The following SNX29 variants were observed in gnomAD, a reference collection of about 807,000 sequenced individuals.
The protein encoded by SNX29 is sorting nexin-29.
SNX29 carries 78 observed loss-of-function variants against 102.1 expected under a neutral mutation model. The observed-to-expected ratio is 0.76, with a 90% CI of 0.64 to 0.92. The LOEUF is 0.92. Among genes scored for constraint, SNX29 ranks in the 40% least tolerant of loss-of-function variants. The pLI is 0.00. For missense variants in SNX29, 1,280 were observed against 1,061.7 expected (o/e 1.21, Z -2.86); for synonymous variants, 580 against 414.5 (o/e 1.40, Z -4.85).
Position 12,469,959 on chromosome 16 carries a change from G to T in SNX29, c.2038-7760G>T, listed in dbSNP as rs369430664. Among the ~76,000 whole-genome samples the T allele has an allele frequency of 2.0e-5, 3 of 152,316 alleles. No homozygotes were observed. In the South Asian group the frequency reaches 6.2e-4, roughly 32 times the overall value. On this transcript the variant is annotated intron_variant, in intron 18 of 20. Coordinates refer to ENST00000566228, the MANE Select transcript of SNX29 (RefSeq NM_032167.5). Reference sequence around the variant, plus strand: ...ACCCGGGAGGCGGAGGTTGCAGTGAGCTGAGATCGCGCCATTGCACTCCAG... The same window carrying T: ...ACCCGGGAGGCGGAGGTTGCAGTGATCTGAGATCGCGCCATTGCACTCCAG...
chr16:12,070,627 A>T (rs350236), intron 10 of SNX29, among the ~76,000 whole-genome samples: 15 of 150,066 alleles, frequency 1.0e-4, no homozygotes, highest in Middle Eastern at 3.4e-3. Flanking sequence ...GAATAGTGCC[A>T]CAATAAACAT....
intron 19 of SNX29, among the ~76,000 whole-genome samples, chr16:12,505,359 A>G (rs548277420): frequency 9.2e-5 from 14 of 152,042 alleles, no homozygotes; most frequent in Admixed American, 2.0e-4. Context: ...GTGAGGGCCT[A>G]TTTGAAAAAA....
Position 12,013,500 on chromosome 16 carries a change from A to AAAAAATATAT in SNX29, c.122+10458_122+10459insAAAATATATA. 1.7e-3 allele frequency among the ~76,000 whole-genome samples: 55 copies of AAAAAATATAT among 31,600 alleles called. 2 individuals carry two copies. Among genetic ancestry groups the AAAAAATATAT allele is most frequent in the East Asian group, 3.7e-3 (2 of 534 alleles). 20.7% of individuals were successfully genotyped at this position (31,600 alleles called of 152,430 possible). On this transcript the variant is annotated intron_variant, in intron 3 of 20. Transcript: ENST00000566228. ...GTCTCTACTGGGGGAAAAAAAAAAA[A>AAAAAATATAT]ATATATATATATATATATATATATA... is the stretch of plus-strand genomic sequence containing the variant.
At chr16:12,475,712 G>A (rs1297074908) in intron 18 of SNX29, among the ~76,000 whole-genome samples, 1 of 152,196 alleles carries the variant, frequency 6.6e-6, no homozygotes, top group African/African-American at 2.4e-5. Flanking sequence ...GTATCATACT[G>A]CACATCACTA....
chr16:12,307,396 G>T (rs541839080), intron 15 of SNX29, among the ~76,000 whole-genome samples: 1 of 152,208 alleles, frequency 6.6e-6, no homozygotes, highest in Non-Finnish European at 1.5e-5. Flanking sequence ...TGCAATTCCT[G>T]TCATTAAATG....
intron 15 of SNX29, among the ~76,000 whole-genome samples, chr16:12,288,873 T>A (rs1394728335): frequency 6.6e-6 from 1 of 152,032 alleles, no homozygotes; most frequent in Non-Finnish European, 1.5e-5. Flanking sequence ...CTAGCATAGG[T>A]AGAAGCAAGA....
intron 11 of SNX29, among the ~76,000 whole-genome samples, chr16:12,107,837 T>C (rs1297685412): frequency 3.9e-5 from 6 of 152,122 alleles, no homozygotes; most frequent in Non-Finnish European, 7.4e-5. Context: ...ATAGGAATTC[T>C]TCATTAGGAA....
chr16:12,193,825 C>G (rs1459319744), intron 13 of SNX29, among the ~76,000 whole-genome samples: 1 of 152,138 alleles, frequency 6.6e-6, no homozygotes, highest in African/African-American at 2.4e-5. Context: ...TTCCCTGATT[C>G]TTTGGTCTGT....
At chr16:12,472,782 A>G (rs1048346713) in intron 18 of SNX29, among the ~76,000 whole-genome samples, 2 of 151,410 alleles carry the variant, frequency 1.3e-5, no homozygotes, top group African/African-American at 4.9e-5. Context: ...ACCTTCCTTT[A>G]CCTCCACTGT....
At chr16:12,340,748 G>A (rs1460522898) in intron 15 of SNX29, among the ~76,000 whole-genome samples, 1 of 152,194 alleles carries the variant, frequency 6.6e-6, no homozygotes, top group Non-Finnish European at 1.5e-5. Context: ...CTAAGAGTCT[G>A]ATTAGGTCAC....
chr16:12,008,457 C>T (rs1041990337), intron 3 of SNX29, among the ~76,000 whole-genome samples: 3 of 150,426 alleles, frequency 2.0e-5, no homozygotes, highest in Non-Finnish European at 3.0e-5. Flanking sequence ...TTAGTAGAGA[C>T]AGTATTTCTC....
At chr16:12,463,158 G>A (rs901891827) in intron 18 of SNX29, among the ~76,000 whole-genome samples, 7 of 152,168 alleles carry the variant, frequency 4.6e-5, no homozygotes, top group African/African-American at 7.2e-5. Flanking sequence ...GGTCGTTGTC[G>A]CTCTGACTTG....
In SNX29 at chr16:12,477,778, G is replaced by A; in HGVS notation, c.2097G>A (p.Arg699=). 2 of 1,613,454 alleles carry A rather than the reference G, an allele frequency of 1.2e-6. No individual in the cohort carries two copies. Among genetic ancestry groups the A allele is most frequent in the Non-Finnish European group, 1.7e-6 (2 of 1,179,732 alleles). Residue 699 remains arginine (R), a synonymous_variant, in exon 19 of 21, where the codon AGG becomes AGA. Coordinates refer to ENST00000566228, the MANE Select transcript of SNX29 (RefSeq NM_032167.5). The part of the protein sequence containing the change: ...WNIYRRYTEF[R]SLHHKLQNKY... The stretch of plus-strand genomic sequence containing the variant: ...TTTATCGCCGGTATACAGAGTTCAG[G>A]AGTTTGCACCACAAGTTACAAAACA...
At chr16:12,170,713 G>A (rs1338537230) in intron 13 of SNX29, among the ~76,000 whole-genome samples, 4 of 151,800 alleles carry the variant, frequency 2.6e-5, no homozygotes, top group Non-Finnish European at 5.9e-5. Context: ...CCAGAGAAGG[G>A]GTTCTGTGGG....
At chr16:12,405,395 C>A (rs1043034089) in intron 18 of SNX29, among the ~76,000 whole-genome samples, 1 of 152,134 alleles carries the variant, frequency 6.6e-6, no homozygotes, top group Non-Finnish European at 1.5e-5. Flanking sequence ...CCACTCTCTC[C>A]CCGTCCTTTA....
intron 20 of SNX29, 31 bp from the exon 21 acceptor site, chr16:12,568,475 A>C (rs774938602): frequency 1.2e-6 from 2 of 1,606,736 alleles, no homozygotes; most frequent in Non-Finnish European, 1.7e-6. Context: ...TCATCCCCAG[A>C]CTTAACCCGA....
chr16:12,063,322 A>T (rs2050858224), intron 9 of SNX29, among the ~76,000 whole-genome samples: 1 of 137,804 alleles, frequency 7.3e-6, no homozygotes, highest in South Asian at 2.4e-4. Context: ...GCCTCCCTCC[A>T]CTTCCTGATG....
chr16:12,451,890 C>G (rs991924022), intron 18 of SNX29, among the ~76,000 whole-genome samples: 8 of 152,154 alleles, frequency 5.3e-5, no homozygotes, highest in Non-Finnish European at 1.0e-4. Context: ...CAGATGGTTT[C>G]TAACCAAACT....
chr16:12,188,863 C>G (rs748278403), intron 13 of SNX29, among the ~76,000 whole-genome samples: 1 of 152,294 alleles, frequency 6.6e-6, no homozygotes, highest in South Asian at 2.1e-4. Context: ...GCAGCCCTTG[C>G]CCTGTCTTAT....
Sources: allele counts gnomAD v4.1 joint callset (sites outside exome capture counted in the v4.1 genomes callset), GRCh38; gene constraint gnomAD v4.1.1; transcripts MANE v1.5; gene names NCBI Gene and HGNC (gene_info 2026-07-23, HGNC 2026-07-21).